Variants in HEATR4 observed in about 807,000 individuals in gnomAD.
HEATR4 encodes the protein HEAT repeat containing 4, also known as HEAT repeat-containing protein 4.
Under a neutral mutation model 108.8 loss-of-function variants are expected in HEATR4, and 95 were observed. The observed-to-expected ratio is 0.87, with a 90% CI of 0.74 to 1.04. The LOEUF (loss-of-function observed/expected upper bound fraction) is 1.04, where lower values mean the gene tolerates loss of function less well. HEATR4 is among the 50% of genes least tolerant of loss of function. The probability of loss-of-function intolerance (pLI) is 0.00; values close to 1 mark genes in which losing one functional copy is unlikely to be tolerated. For missense variants in HEATR4, 1,152 were observed against 1,253.8 expected (o/e 0.92, Z 1.23); for synonymous variants, 443 against 459.4 (o/e 0.96, Z 0.46).
intron 1 of HEATR4, among the ~76,000 whole-genome samples, chr14:73,555,896 T>A (rs1353575980): frequency 1.8e-5 from 2 of 111,538 alleles, no homozygotes; most frequent in African/African-American, 5.8e-5. Context: ...TCCCAGCTAC[T>A]TGGGAGGCTG....
At position 73,511,520 on chromosome 14, in the gene HEATR4, AAAATAAATAAAT is replaced by A. The variant is rs548747393; in HGVS notation, c.1558+474_1558+485del. Reference sequence around the variant, plus strand: ...GGTGACAGAGCAAGACTCTGTCTCAAAAATAAATAAATAAATAAATAAATAAATAAATAAATA... The same window carrying A: ...GGTGACAGAGCAAGACTCTGTCTCAAAAATAAATAAATAAATAAATAAATA... On this transcript the variant is annotated intron_variant, in intron 7 of 17. Transcript: ENST00000553558. Among the ~76,000 whole-genome samples the A allele has an allele frequency of 6.2e-3, 883 of 141,746 alleles. 8 individuals carry two copies. Among genetic ancestry groups the A allele is most frequent in the South Asian group, 0.033 (144 of 4,304 alleles). 93.0% of individuals were successfully genotyped at this position (141,746 alleles called of 152,430 possible).
the HEATR4 span, among the ~76,000 whole-genome samples, chr14:73,583,069 C>T: frequency 5.9e-5 from 9 of 152,130 alleles, no homozygotes; most frequent in South Asian, 2.1e-4. Flanking sequence ...TTTGGCTGCG[C>T]GCGGTGGCTC....
intron 14 of HEATR4, among the ~76,000 whole-genome samples, chr14:73,496,908 G>C (rs774417170): frequency 2.6e-5 from 4 of 152,162 alleles, no homozygotes; most frequent in Non-Finnish European, 5.9e-5. Context: ...TTGTTTTTGC[G>C]AGATGGAGTC....
chr14:73,589,471 C>G, the HEATR4 span, among the ~76,000 whole-genome samples: 6 of 152,102 alleles, frequency 3.9e-5, no homozygotes, highest in Non-Finnish European at 8.8e-5. Flanking sequence ...AGGTGCACAT[C>G]ACCATGCCCC....
intron 14 of HEATR4, among the ~76,000 whole-genome samples, chr14:73,497,514 A>G (rs1886176963): frequency 6.6e-6 from 1 of 152,238 alleles, no homozygotes; most frequent in Admixed American, 6.5e-5. Context: ...ACGGGCTCAC[A>G]TAGCTATTGC....
intron 4 of HEATR4, chr14:73,520,549 G>C (rs573965006): frequency 3.8e-4 from 99 of 262,416 alleles, no homozygotes; most frequent in Admixed American, 1.1e-3. Flanking sequence ...AAGGGAGAAG[G>C]GTAGATAGAG....
At position 73,492,347 on chromosome 14, in the gene HEATR4, A is replaced by G. The variant is rs776906419; in HGVS notation, c.2844+719T>C. The G allele has an allele frequency of 1.1e-5, 18 of 1,613,788 alleles. No individual in the cohort carries two copies. The highest frequency in any genetic ancestry group is 2.2e-5 in the East Asian group (1 of 44,884). Reference sequence around the variant, plus strand: ...ACTGCCTCTGGCAGTGCAGGCTGCAATGGAAGAAAATGTGGAGTTTCGGAG... The same window carrying G: ...ACTGCCTCTGGCAGTGCAGGCTGCAGTGGAAGAAAATGTGGAGTTTCGGAG... On this transcript the variant is annotated intron_variant, in intron 17 of 17. Coordinates refer to ENST00000553558, the MANE Select transcript of HEATR4 (RefSeq NM_001220484.1). This position sits in a 1 kb window ranked among gnomAD's most constrained non-coding sequence, Gnocchi z 4.9.
In HEATR4 at chr14:73,522,608, T is replaced by G. The variant is rs1181485653; in HGVS notation, c.545A>C (p.Asp182Ala). 3 of 1,614,072 alleles carry G rather than the reference T, an allele frequency of 1.9e-6. No homozygotes were observed. The African/African-American group carries it at 4.0e-5, about 22-fold the overall frequency. Residue 182 changes from aspartate (D) to alanine (A), a missense_variant, in exon 3 of 18, where the codon GAT becomes GCT. Coordinates refer to ENST00000553558, the MANE Select transcript of HEATR4 (RefSeq NM_001220484.1). ...GGCTTCTCTTTCCTCCAGGTTCACA[T>G]CTAGAGAAGGTGGCCGACCCAGCAT... ...PDMLGRPPSL[D>A]VNLEEREAWL...
At chr14:73,506,863 C>A (rs1055019779) in intron 9 of HEATR4, among the ~76,000 whole-genome samples, 12 of 134,742 alleles carry the variant, frequency 8.9e-5, no homozygotes, top group Non-Finnish European at 1.7e-4. Flanking sequence ...TGCAGTGGCA[C>A]AATCTCGGCT....
At chr14:73,486,630 G>A (rs879842878) in intron 17 of HEATR4, among the ~76,000 whole-genome samples, 4 of 151,918 alleles carry the variant, frequency 2.6e-5, no homozygotes, top group Admixed American at 1.3e-4. Flanking sequence ...CCCAGGAGGC[G>A]GAGATTGCAG....
intron 5 of HEATR4, among the ~76,000 whole-genome samples, chr14:73,518,692 T>C (rs139064917): frequency 6.6e-6 from 1 of 152,090 alleles, no homozygotes; most frequent in African/African-American, 2.4e-5. Context: ...GGTCAGGAGT[T>C]TGATGCACTT....
At chr14:73,552,214 T>C (rs1889334870) in intron 1 of HEATR4, among the ~76,000 whole-genome samples, 1 of 107,492 alleles carries the variant, frequency 9.3e-6, no homozygotes, top group South Asian at 2.9e-4. Context: ...CTGAAGTTGC[T>C]GTAGACCTGT....
the HEATR4 span, chr14:73,612,421 C>A: frequency 2.1e-6 from 1 of 474,890 alleles, no homozygotes; most frequent in Non-Finnish European, 3.4e-6. Flanking sequence ...CTAGGCGCCC[C>A]ACGCAGCGGC....
chr14:73,537,620 G>C lies in HEATR4; in HGVS notation c.-151-7376C>G, dbSNP rs747052239. The C allele has an allele frequency of 3.4e-5, 42 of 1,219,156 alleles. 14 individuals are homozygous for C. The highest frequency in any genetic ancestry group is 5.4e-5 in the Admixed American group (2 of 37,078). 75.5% of individuals were successfully genotyped at this position (1,219,156 alleles called of 1,614,324 possible). A position where few individuals can be genotyped will look rare whatever the true frequency, so the allele number is the denominator to read the frequency against. On this transcript the variant is annotated intron_variant, in intron 1 of 17. Transcript: ENST00000553558. ...CGAGCTGGACCTGGAGCGCGCGCCCGCGCTGGGCGGCAGCTTCGCGGGGCT... is the reference window on the plus strand; with the variant it reads ...CGAGCTGGACCTGGAGCGCGCGCCCCCGCTGGGCGGCAGCTTCGCGGGGCT...
chr14:73,501,569 CTTT>C (rs1204245183), intron 11 of HEATR4, among the ~76,000 whole-genome samples: 7 of 108,156 alleles, frequency 6.5e-5, no homozygotes, highest in Non-Finnish European at 5.7e-5. Flanking sequence ...GTCTCTCTCT[CTTT>C]TTTTTTTTTT....
chr14:73,620,604 G>C, the HEATR4 span, among the ~76,000 whole-genome samples: 1 of 151,372 alleles, frequency 6.6e-6, no homozygotes, highest in African/African-American at 2.4e-5. Flanking sequence ...TCTCGCTTTT[G>C]TTGCCCAGGC....
chr14:73,568,970 A>G, the HEATR4 span: 3 of 507,274 alleles, frequency 5.9e-6, no homozygotes, highest in Non-Finnish European at 1.1e-5. Flanking sequence ...CTTCGCCATC[A>G]GGAGTTTGGA....
At chr14:73,587,268 T>C in the HEATR4 span, among the ~76,000 whole-genome samples, 1 of 152,226 alleles carries the variant, frequency 6.6e-6, no homozygotes. Context: ...GACAGGAGTA[T>C]TTGCATACTT....
chr14:73,626,597 G>A, the HEATR4 span, among the ~76,000 whole-genome samples: 1 of 151,992 alleles, frequency 6.6e-6, no homozygotes, highest in East Asian at 1.9e-4. Flanking sequence ...GGAGGCTGAG[G>A]AAGAAGGATC....
Sources: gnomAD v4.1 joint callset for allele counts (sites outside exome capture counted in the v4.1 genomes callset) on GRCh38, gnomAD v4.1.1 for gene constraint, Gnocchi (gnomAD v3.1) non-coding constraint, MANE v1.5 for transcripts, NCBI Gene and HGNC (gene_info 2026-07-23, HGNC 2026-07-21) for gene names.